XAF1: variants seen among roughly 807,000 people sequenced by gnomAD.
XAF1 encodes the protein XIAP-associated factor 1.
A neutral mutation model predicts 32.3 loss-of-function variants in XAF1; 32 were observed. That is an observed-to-expected ratio of 0.99 (90% CI 0.75 to 1.33). The LOEUF (loss-of-function observed/expected upper bound fraction) is 1.33. Ranked by LOEUF, XAF1 falls within the 40% of genes most tolerant of loss-of-function variation. The pLI is 0.00. For missense variants in XAF1, 379 were observed against 366.0 expected (o/e 1.04, Z -0.29); for synonymous variants, 120 against 125.9 (o/e 0.95, Z 0.31).
chr17:6,772,162 G>A (rs1451613531), intron 6 of XAF1, among the ~76,000 whole-genome samples: 3 of 151,748 alleles, frequency 2.0e-5, no homozygotes, highest in African/African-American at 7.3e-5. Context: ...ATTTTTCCTT[G>A]CCTCCCACAA....
Position 6,770,643 on chromosome 17 carries a change from GGTAAAT to G in XAF1, c.511_516del (p.Lys171_Cys172del). On this transcript the variant is annotated inframe_deletion and splice_region_variant, in exon 6 of 7. Coordinates refer to ENST00000361842, the MANE Select transcript of XAF1 (RefSeq NM_017523.5). ...TTTGATATATTATTCACAATTGCAGGGTAAATGTTGTCCAGACTCAGAGTTTAAGAA... is the reference window on the plus strand; with the variant it reads ...TTTGATATATTATTCACAATTGCAGGGTTGTCCAGACTCAGAGTTTAAGAA... 1.9e-6 allele frequency: 3 copies of G among 1,577,838 alleles called. No individual in the cohort carries two copies. The highest frequency in any genetic ancestry group is 2.6e-6 in the Non-Finnish European group (3 of 1,166,674).
chr17:6,755,881 G>A, upstream of XAF1: 17 of 1,402,490 alleles, frequency 1.2e-5, no homozygotes, highest in South Asian at 9.1e-5. Flanking sequence ...GGCCAAGGGC[G>A]ACAGCAGGGG....
chr17:6,759,558 A>G (rs1285090441), intron 2 of XAF1, 104 bp from the exon 3 acceptor site: 5 of 1,575,628 alleles, frequency 3.2e-6, no homozygotes, highest in Admixed American at 3.5e-5. Flanking sequence ...GAGTTCACAG[A>G]CCCAAACCCG....
intron 5 of XAF1, among the ~76,000 whole-genome samples, chr17:6,765,908 C>A (rs1490444578): frequency 6.6e-6 from 1 of 152,216 alleles, no homozygotes; most frequent in African/African-American, 2.4e-5. Context: ...AAACTCAAAA[C>A]TACAGTGGCT....
At chr17:6,762,294 A>C in intron 5 of XAF1, 54 bp downstream of exon 5, 1 of 1,473,020 alleles carries the variant, frequency 6.8e-7, no homozygotes, top group Non-Finnish European at 9.2e-7. Flanking sequence ...CCACATTCTG[A>C]AAAGTGTGAT....
chr17:6,760,654 C>A, intron 4 of XAF1, 53 bp downstream of exon 4: 1 of 1,541,042 alleles, frequency 6.5e-7, no homozygotes, highest in Non-Finnish European at 8.8e-7. Context: ...CAGAGCCTTT[C>A]CTGGATGGGA....
At chr17:6,757,698 A>G (rs557722286) in intron 1 of XAF1, among the ~76,000 whole-genome samples, 2 of 152,352 alleles carry the variant, frequency 1.3e-5, no homozygotes, top group South Asian at 2.1e-4. Flanking sequence ...ATTGACCTAC[A>G]ATAAACCTCA....
chr17:6,763,417 T>C (rs1975365961), intron 5 of XAF1, among the ~76,000 whole-genome samples: 2 of 152,220 alleles, frequency 1.3e-5, no homozygotes, highest in Admixed American at 6.5e-5. Context: ...AACCTCTGCC[T>C]CCCGGGTTCA....
At position 6,765,653 on chromosome 17, in the gene XAF1, G is replaced by A. The variant is rs888035035; in HGVS notation, c.507+3413G>A. On this transcript the variant is annotated intron_variant, in intron 5 of 6. Transcript: ENST00000361842. Reference sequence around the variant, plus strand: ...TGATGGCAACTCTATCTTTCCAGTTGTTCAGGCCAAAATCTCAGGTTCACT... The same window carrying A: ...TGATGGCAACTCTATCTTTCCAGTTATTCAGGCCAAAATCTCAGGTTCACT... Among the ~76,000 whole-genome samples, 6 of 152,188 alleles carry A rather than the reference G, an allele frequency of 3.9e-5. No homozygotes were observed. In the East Asian group the frequency reaches 1.2e-3, roughly 30 times the overall value.
At chr17:6,755,511 C>A (rs1364005372), upstream of XAF1, 40 of 989,484 alleles carry the variant, frequency 4.0e-5, no homozygotes, top group Non-Finnish European at 4.8e-5. Flanking sequence ...CTCTAAGGAC[C>A]CCCAGGAGGA....
chr17:6,756,287 G>C (rs1974648973), intron 1 of XAF1, 177 bp downstream of exon 1: 1 of 1,346,302 alleles, frequency 7.4e-7, no homozygotes, highest in Non-Finnish European at 9.7e-7. Context: ...TAATCTCTGG[G>C]TGGGGGTGGG....
At chr17:6,768,792 G>A (rs772748308) in intron 5 of XAF1, among the ~76,000 whole-genome samples, 8 of 152,086 alleles carry the variant, frequency 5.3e-5, no homozygotes, top group African/African-American at 9.7e-5. Context: ...TACCTGTAAC[G>A]TGTTTAAGAG....
intron 5 of XAF1, among the ~76,000 whole-genome samples, chr17:6,765,879 T>A (rs756141493): frequency 1.5e-4 from 23 of 152,354 alleles, no homozygotes; most frequent in Non-Finnish European, 3.1e-4. Context: ...TCTGTACTGA[T>A]TCTTGCCCCA....
chr17:6,767,245 A>C (rs2151551374), intron 5 of XAF1, among the ~76,000 whole-genome samples: 1 of 152,356 alleles, frequency 6.6e-6, no homozygotes, highest in African/African-American at 2.4e-5. Context: ...TAAATATGAC[A>C]GTAGAAAGTT....
chr17:6,769,206 T>C (rs1975837567), intron 5 of XAF1, among the ~76,000 whole-genome samples: 1 of 152,150 alleles, frequency 6.6e-6, no homozygotes, highest in African/African-American at 2.4e-5. Context: ...TTTCTGTTTT[T>C]AGCCCATCCA....
At chr17:6,755,461 GTTC>G (rs1974598424), upstream of XAF1, 16 of 986,558 alleles carry the variant, frequency 1.6e-5, no homozygotes, top group South Asian at 4.7e-5. Context: ...GTTGTTTAGA[GTTC>G]TTCTGTTAGC....
At position 6,759,726 on chromosome 17, in the gene XAF1, C is replaced by CCCCATGTG. The variant is rs1308350413; in HGVS notation, c.225+9_225+16dup. The CCCCATGTG allele has an allele frequency of 1.2e-6, 2 of 1,613,830 alleles. No homozygotes were observed. The highest frequency in any genetic ancestry group is 1.7e-6 in the Non-Finnish European group (2 of 1,180,024). On this transcript the variant is annotated intron_variant, in intron 3 of 6. Coordinates refer to ENST00000361842, the MANE Select transcript of XAF1 (RefSeq NM_017523.5). ...TCGCTGGAGTTTCATAAGGTAAGAGCCCCATGTGATTTCTCCTTTACAGCC... is the reference window on the plus strand; with the variant it reads ...TCGCTGGAGTTTCATAAGGTAAGAGCCCCATGTGCCCATGTGATTTCTCCTTTACAGCC...
At chr17:6,764,021 G>A (rs75634493) in intron 5 of XAF1, among the ~76,000 whole-genome samples, 6,939 of 152,168 alleles carry the variant, frequency 0.046, 478 homozygotes, top group African/African-American at 0.15. Flanking sequence ...TGGCAACCAG[G>A]GCACCTACAC....
At chr17:6,769,619 T>C (rs1735235511) in intron 5 of XAF1, among the ~76,000 whole-genome samples, 1 of 152,184 alleles carries the variant, frequency 6.6e-6, no homozygotes, top group Non-Finnish European at 1.5e-5. Flanking sequence ...CCTTGTGTGT[T>C]TGTAATTTTG....
Sources: allele counts gnomAD v4.1 joint callset (sites outside exome capture counted in the v4.1 genomes callset), GRCh38; gene constraint gnomAD v4.1.1; transcripts MANE v1.5; gene names NCBI Gene and HGNC (gene_info 2026-07-23, HGNC 2026-07-21).